The following P3H2 variants were observed in gnomAD, a reference collection of about 807,000 sequenced individuals.
The protein encoded by P3H2 is prolyl 3-hydroxylase 2.
In P3H2, 80 loss-of-function variants were observed where a neutral mutation model predicts 87.0. The ratio of observed to expected loss-of-function variants is 0.92; its 90% confidence interval spans 0.77 to 1.11. P3H2 has a LOEUF of 1.11. Ranked by LOEUF, P3H2 falls within the 50% of genes least tolerant of loss-of-function variation. The pLI is 0.00. For synonymous variants in P3H2, 367 were observed against 359.3 expected, an observed-to-expected ratio of 1.02 and a Z score of -0.24; for missense variants, 1,001 against 923.9, an observed-to-expected ratio of 1.08 and a Z score of -1.08.
intron 1 of P3H2, among the ~76,000 whole-genome samples, chr3:190,119,162 G>A (rs1712422931): frequency 1.7e-5 from 1 of 58,806 alleles, no homozygotes; most frequent in Non-Finnish European, 3.4e-5. Context: ...GAGGGGAGGG[G>A]AGGGGAGGGG....
intron 1 of P3H2, among the ~76,000 whole-genome samples, chr3:190,043,549 T>G (rs1166763923): frequency 1.3e-5 from 2 of 152,180 alleles, no homozygotes; most frequent in East Asian, 3.8e-4. Context: ...TTGATCTTTA[T>G]CCCCTCTCAC....
chr3:189,990,571 C>A (rs555980835), intron 3 of P3H2, among the ~76,000 whole-genome samples: 1 of 152,150 alleles, frequency 6.6e-6, no homozygotes, highest in South Asian at 2.1e-4. Context: ...GGTTTCATAG[C>A]AGAGCTAGTA....
chr3:189,970,081 C>T (rs1382214774), intron 13 of P3H2, among the ~76,000 whole-genome samples: 3 of 148,502 alleles, frequency 2.0e-5, no homozygotes, highest in African/African-American at 5.1e-5. Context: ...TTTTGATTTA[C>T]TCTTTGTTTA....
At chr3:190,102,790 T>C (rs1711679682) in intron 1 of P3H2, among the ~76,000 whole-genome samples, 1 of 152,228 alleles carries the variant, frequency 6.6e-6, no homozygotes, top group Non-Finnish European at 1.5e-5. Context: ...CAGCACAGTA[T>C]GCTACAGAGA....
chr3:190,065,862 G>C (rs952879075), intron 1 of P3H2, among the ~76,000 whole-genome samples: 2 of 151,970 alleles, frequency 1.3e-5, no homozygotes, highest in African/African-American at 4.8e-5. Context: ...TTTCCCCTTA[G>C]TACCGCCTTT....
At chr3:190,079,350 A>G (rs1189785838) in intron 1 of P3H2, among the ~76,000 whole-genome samples, 2 of 144,514 alleles carry the variant, frequency 1.4e-5, no homozygotes, top group African/African-American at 5.2e-5. Flanking sequence ...AAAAATAAAT[A>G]AATAAATAAA....
Position 189,957,933 on chromosome 3 carries a change from G to A in P3H2, c.2106C>T (p.Ile702=), listed in dbSNP as rs767065417. ...QEQQGKHELN[I]NPKDEL is the part of the protein sequence containing the mutation. The stretch of plus-strand genomic sequence containing the variant: ...ATTTTTATAGCTCATCTTTAGGGTT[G>A]ATATTCAGTTCATGCTTCCCTTGCT... Residue 702 remains isoleucine (I), a synonymous_variant, in exon 15 of 15, where the codon ATC becomes ATT. Transcript: ENST00000319332. 38 of 1,608,936 alleles carry A rather than the reference G, an allele frequency of 2.4e-5. No homozygotes were observed. The South Asian group carries it at 4.0e-4, about 17-fold the overall frequency.
At chr3:189,997,000 A>C (rs1158983583) in intron 1 of P3H2, among the ~76,000 whole-genome samples, 1 of 152,224 alleles carries the variant, frequency 6.6e-6, no homozygotes, top group Non-Finnish European at 1.5e-5. Flanking sequence ...TAAAAAATGG[A>C]ATTAATTTAC....
rs566306628 is a variant in P3H2 at position 190,120,826 on chromosome 3, G to A, written c.-95C>T. ...CTCTCCCACCTTCCCTCGGGGAAGC[G>A]CGCCGACTCCGCCGCGATCTGGCCG... is the stretch of plus-strand genomic sequence containing the variant. On this transcript the variant is annotated 5_prime_UTR_variant, in exon 1 of 15. Coordinates refer to ENST00000319332, the MANE Select transcript of P3H2 (RefSeq NM_018192.4). 2.1e-6 allele frequency: 3 copies of A among 1,454,770 alleles called. No homozygotes were observed. Among genetic ancestry groups the A allele is most frequent in the South Asian group, 2.7e-5 (2 of 75,342 alleles). The allele number at this position is 1,454,770 out of a possible 1,614,324, so 90.1% of individuals were successfully genotyped here. A position where few individuals can be genotyped will look rare whatever the true frequency, so the allele number is the denominator to read the frequency against.
At chr3:190,055,476 A>C (rs116296238) in intron 1 of P3H2, among the ~76,000 whole-genome samples, 3,443 of 152,060 alleles carry the variant, frequency 0.023, 142 homozygotes, top group African/African-American at 0.08. Flanking sequence ...TTTAGATATT[A>C]AACAAAATGT....
rs1161954385 is a variant in P3H2, at chr3:190,008,562, T to C, written c.481-13120A>G. On this transcript the variant is annotated intron_variant, in intron 1 of 14. Coordinates refer to ENST00000319332, the MANE Select transcript of P3H2 (RefSeq NM_018192.4). ...GGGTTTCTGATTCCAATTTTGTATATACTGTGGGTTTACATTGGCTCCCTT... is the reference window on the plus strand; with the variant it reads ...GGGTTTCTGATTCCAATTTTGTATACACTGTGGGTTTACATTGGCTCCCTT... Among the ~76,000 whole-genome samples the C allele has an allele frequency of 2.0e-5, 3 of 152,318 alleles. No individual in the cohort carries two copies. The East Asian group carries it at 5.8e-4, about 29-fold the overall frequency.
intron 1 of P3H2, among the ~76,000 whole-genome samples, chr3:190,009,122 C>T (rs1328544514): frequency 1.3e-5 from 2 of 152,018 alleles, no homozygotes; most frequent in African/African-American, 2.4e-5. Context: ...GGAAAAGCGT[C>T]ATCTATATTT....
At chr3:190,108,027 G>C (rs184110953) in intron 1 of P3H2, among the ~76,000 whole-genome samples, 201 of 151,046 alleles carry the variant, frequency 1.3e-3, no homozygotes, top group African/African-American at 4.7e-3. Flanking sequence ...AGGCAGTCTT[G>C]AACTCCTGGA....
chr3:189,987,533 G>A lies in P3H2; in HGVS notation c.1092C>T (p.Ala364=), dbSNP rs1252520192. 2 of 1,613,186 alleles carry A rather than the reference G, an allele frequency of 1.2e-6. No individual in the cohort carries two copies. The highest frequency in any genetic ancestry group is 2.2e-5 in the South Asian group (2 of 91,052). Residue 364 remains alanine (A), a synonymous_variant, in exon 5 of 15, where the codon GCC becomes GCT. Coordinates refer to ENST00000319332, the MANE Select transcript of P3H2 (RefSeq NM_018192.4). ...TTCAAAACATTGGTCTCACCTCTCT[G>A]GCCTCAATGGATGCCGGGTCAATGC... ...DDSIDPASIE[A]REDLTMFVKR...
chr3:190,101,442 G>T (rs1711624506), intron 1 of P3H2, among the ~76,000 whole-genome samples: 1 of 137,104 alleles, frequency 7.3e-6, no homozygotes, highest in Non-Finnish European at 1.5e-5. Context: ...ACATGGATAA[G>T]AAAGTGAAAC....
chr3:189,983,487 G>C, intron 7 of P3H2: 1 of 226,816 alleles, frequency 4.4e-6, no homozygotes, highest in East Asian at 9.3e-5. Context: ...CTGGAACATG[G>C]AGTGCATCAT....
chr3:189,986,903 CATT>C, intron 5 of P3H2, 26 bp from the exon 6 acceptor site: 1 of 1,486,334 alleles, frequency 6.7e-7, no homozygotes, highest in Non-Finnish European at 9.4e-7. Flanking sequence ...TAAAGAAAGA[CATT>C]TTTTATTTAA....
At chr3:189,972,755 T>C (rs1723213206) in intron 11 of P3H2, 119 bp downstream of exon 11, 4 of 1,133,212 alleles carry the variant, frequency 3.5e-6, no homozygotes, top group Non-Finnish European at 5.3e-6. Flanking sequence ...TACTTTTGTT[T>C]TGGAAATCTA....
chr3:190,013,159 T>C (rs929349821), intron 1 of P3H2, among the ~76,000 whole-genome samples: 1 of 152,188 alleles, frequency 6.6e-6, no homozygotes, highest in African/African-American at 2.4e-5. Flanking sequence ...TATATTGATA[T>C]GAATATAATA....
Sources: gnomAD v4.1 joint callset for allele counts (sites outside exome capture counted in the v4.1 genomes callset) on GRCh38, gnomAD v4.1.1 for gene constraint, MANE v1.5 for transcripts, NCBI Gene and HGNC (gene_info 2026-07-23, HGNC 2026-07-21) for gene names.